IDE: variants seen among roughly 807,000 people sequenced by gnomAD.
IDE encodes the protein insulin-degrading enzyme.
A neutral mutation model predicts 133.2 loss-of-function variants in IDE; 58 were observed. The observed-to-expected ratio is 0.44, with a 90% confidence interval of 0.35 to 0.54. IDE has a LOEUF of 0.54. IDE is among the 20% of genes least tolerant of loss of function. IDE has a pLI of 0.00. For missense variants in IDE, 981 were observed against 1,234.0 expected (o/e 0.79, Z 3.07); for synonymous variants, 396 against 421.3 (o/e 0.94, Z 0.73).
Position 92,487,202 on chromosome 10 carries a change from A to C in IDE, c.1650T>G (p.Leu550=). ...LEKEATPYPA[L]IKDTAMSKLW... is the part of the protein sequence containing the mutation. ...ACTGATTCAAACACATTACCTTAAT[A>C]AGAGCAGGGTATGGTGTCGCCTCTT... The change falls in exon 13 of 25, where the codon CTT becomes CTG. Residue 550 remains leucine (L), a synonymous_variant. Transcript: ENST00000265986. The C allele has an allele frequency of 6.2e-7, 1 of 1,611,014 alleles. No homozygotes were observed. The highest frequency in any genetic ancestry group is 8.5e-7 in the Non-Finnish European group (1 of 1,179,110).
At chr10:92,524,486 ATAT>A (rs1293580341) in intron 4 of IDE, among the ~76,000 whole-genome samples, 5 of 27,754 alleles carry the variant, frequency 1.8e-4, no homozygotes, top group African/African-American at 4.7e-4. Context: ...AATATATATT[ATAT>A]TATAATATAT....
At chr10:92,512,441 C>G (rs1418024818) in intron 5 of IDE, among the ~76,000 whole-genome samples, 1 of 152,008 alleles carries the variant, frequency 6.6e-6, no homozygotes, top group Non-Finnish European at 1.5e-5. Context: ...TCTGTCATTT[C>G]CACTAAACCA....
At chr10:92,544,440 T>A (rs1037198744) in intron 1 of IDE, among the ~76,000 whole-genome samples, 2 of 151,944 alleles carry the variant, frequency 1.3e-5, no homozygotes, top group African/African-American at 4.8e-5. Context: ...TACTAAAGTA[T>A]AACCAAAAAG....
chr10:92,503,844 G>A (rs1046196658), intron 11 of IDE, among the ~76,000 whole-genome samples: 3 of 151,234 alleles, frequency 2.0e-5, no homozygotes, highest in South Asian at 2.1e-4. Context: ...GCAGCCTCCC[G>A]AGTAGCTGGG....
intron 1 of IDE, among the ~76,000 whole-genome samples, chr10:92,541,048 G>T (rs1040531124): frequency 2.6e-5 from 4 of 152,090 alleles, no homozygotes; most frequent in African/African-American, 9.7e-5. Flanking sequence ...TAAAGAGATA[G>T]ATTTATTCTA....
intron 4 of IDE, among the ~76,000 whole-genome samples, chr10:92,521,988 CA>C (rs1438881675): frequency 2.0e-5 from 3 of 151,444 alleles, no homozygotes; most frequent in Admixed American, 6.6e-5. Context: ...CAGAATTGGC[CA>C]GGGGCAGGGT....
At chr10:92,466,252 A>AG (rs758980231) in intron 19 of IDE, among the ~76,000 whole-genome samples, 5 of 134,306 alleles carry the variant, frequency 3.7e-5, no homozygotes, top group Non-Finnish European at 3.2e-5. Flanking sequence ...AAAAAAAAAA[A>AG]GCAGAGAGAG....
At chr10:92,489,708 G>C (rs1283961602) in intron 12 of IDE, among the ~76,000 whole-genome samples, 1 of 152,126 alleles carries the variant, frequency 6.6e-6, no homozygotes, top group Non-Finnish European at 1.5e-5. Context: ...ATGATCTTCT[G>C]TATCATGAAT....
At chr10:92,532,546 TC>T (rs1229172960) in intron 3 of IDE, among the ~76,000 whole-genome samples, 1 of 152,102 alleles carries the variant, frequency 6.6e-6, no homozygotes, top group Non-Finnish European at 1.5e-5. Flanking sequence ...AGAGAAAAAG[TC>T]CATAAAATTT....
At chr10:92,459,332 C>T (rs1051968527) in intron 22 of IDE, among the ~76,000 whole-genome samples, 1 of 152,118 alleles carries the variant, frequency 6.6e-6, no homozygotes. Flanking sequence ...CATTAGAAAC[C>T]CTAGTACAGG....
intron 15 of IDE, chr10:92,478,661 C>G: frequency 8.0e-7 from 1 of 1,254,472 alleles, no homozygotes; most frequent in Non-Finnish European, 1.0e-6. Context: ...TGCATTCATT[C>G]CTGATGCAAT....
chr10:92,457,025 T>A (rs1425641953), intron 22 of IDE, among the ~76,000 whole-genome samples: 2 of 152,038 alleles, frequency 1.3e-5, no homozygotes, highest in East Asian at 1.9e-4. Context: ...CTTAACCCAA[T>A]TTTACAGATG....
intron 22 of IDE, 92 bp downstream of exon 22, chr10:92,461,099 C>G (rs1845361190): frequency 1.5e-6 from 1 of 649,436 alleles, no homozygotes; most frequent in East Asian, 2.9e-5. Flanking sequence ...CCTTGGCCTC[C>G]CAAAGTGCTG....
chr10:92,502,062 A>C (rs1848054492), intron 11 of IDE, among the ~76,000 whole-genome samples: 1 of 152,132 alleles, frequency 6.6e-6, no homozygotes, highest in South Asian at 2.1e-4. Flanking sequence ...AGATCACTTA[A>C]GCCCAAGAGG....
intron 11 of IDE, among the ~76,000 whole-genome samples, chr10:92,495,494 G>T (rs574754357): frequency 6.6e-6 from 1 of 151,702 alleles, no homozygotes; most frequent in Non-Finnish European, 1.5e-5. Flanking sequence ...GCTGGGATTA[G>T]AGGCATGAGC....
intron 12 of IDE, among the ~76,000 whole-genome samples, chr10:92,487,978 G>C (rs1057252536): frequency 1.3e-5 from 2 of 151,798 alleles, no homozygotes; most frequent in African/African-American, 4.8e-5. Flanking sequence ...CGTATTTTTA[G>C]TAGAGATTGG....
At chr10:92,455,712 A>AT in intron 23 of IDE, 69 bp from the exon 24 acceptor site, 1 of 875,560 alleles carries the variant, frequency 1.1e-6, no homozygotes, top group Admixed American at 2.2e-5. Context: ...AAAAAAAAAA[A>AT]CTAAACCAGA....
At chr10:92,561,262 A>T (rs1051381979) in intron 1 of IDE, among the ~76,000 whole-genome samples, 3 of 152,058 alleles carry the variant, frequency 2.0e-5, no homozygotes, top group Admixed American at 1.3e-4. Context: ...GTCTAAAAAA[A>T]AAATAAATAA....
At chr10:92,545,497 G>A (rs1589517539) in intron 1 of IDE, among the ~76,000 whole-genome samples, 1 of 152,324 alleles carries the variant, frequency 6.6e-6, no homozygotes, top group East Asian at 1.9e-4. Context: ...CAAGCAACAA[G>A]GATTGGATAA....
Sources: allele counts gnomAD v4.1 joint callset (sites outside exome capture counted in the v4.1 genomes callset), GRCh38; gene constraint gnomAD v4.1.1; transcripts MANE v1.5; gene names NCBI Gene and HGNC (gene_info 2026-07-23, HGNC 2026-07-21).